ARID1A: variants seen among roughly 807,000 people sequenced by gnomAD.
ARID1A encodes the protein AT-rich interaction domain 1A.
Under a neutral mutation model 212.6 loss-of-function variants are expected in ARID1A, and 20 were observed. The observed-to-expected ratio is 0.09, with a 90% CI of 0.07 to 0.14. ARID1A has a LOEUF of 0.14. ARID1A is among the 10% of genes least tolerant of loss of function. ARID1A has a pLI of 1.00. For missense variants in ARID1A, 2,587 were observed against 3,059.0 expected, an observed-to-expected ratio of 0.85 and a Z score of 3.64; for synonymous variants, 1,376 against 1,222.1, an observed-to-expected ratio of 1.13 and a Z score of -2.63.
chr1:26,716,258 A>G (rs924988551), intron 1 of ARID1A, among the ~76,000 whole-genome samples: 6 of 152,006 alleles, frequency 3.9e-5, no homozygotes, highest in East Asian at 1.9e-4. Context: ...GCCACATGCT[A>G]GTTGCTTACA....
chr1:26,718,385 T>G (rs900662390), intron 1 of ARID1A, among the ~76,000 whole-genome samples: 3 of 152,216 alleles, frequency 2.0e-5, no homozygotes, highest in African/African-American at 4.8e-5. Flanking sequence ...GGCAGAGCTC[T>G]TAAGCCACTG....
chr1:26,717,600 C>G (rs1303825628), intron 1 of ARID1A, among the ~76,000 whole-genome samples: 2 of 152,196 alleles, frequency 1.3e-5, no homozygotes, highest in Non-Finnish European at 2.9e-5. Context: ...CTGCCAGAAA[C>G]TTAGCACTTG....
chr1:26,700,324 CTTAA>C (rs888361859), intron 1 of ARID1A, among the ~76,000 whole-genome samples: 6 of 152,200 alleles, frequency 3.9e-5, no homozygotes, highest in African/African-American at 9.7e-5. Flanking sequence ...TTTGCAGAGA[CTTAA>C]TTAACACAGC....
intron 11 of ARID1A, chr1:26,770,076 T>A (rs1250979090): frequency 6.6e-6 from 1 of 152,202 alleles, no homozygotes; most frequent in Non-Finnish European, 1.5e-5. Context: ...CAGTGGGGTG[T>A]GGTGACAGGC....
intron 1 of ARID1A, among the ~76,000 whole-genome samples, chr1:26,708,519 T>G (rs2080417754): frequency 6.6e-6 from 1 of 151,112 alleles, no homozygotes; most frequent in South Asian, 2.1e-4. Flanking sequence ...CTCCTGACCT[T>G]GTGATCCACC....
chr1:26,770,197 A>T (rs1254597192), intron 11 of ARID1A: 1 of 152,188 alleles, frequency 6.6e-6, no homozygotes, highest in Non-Finnish European at 1.5e-5. Context: ...TGGGTGACAG[A>T]GTGAGACTCT....
At chr1:26,767,314 A>G (rs914928950) in intron 10 of ARID1A, among the ~76,000 whole-genome samples, 5 of 152,184 alleles carry the variant, frequency 3.3e-5, no homozygotes, top group African/African-American at 1.2e-4. Context: ...TTTTCATTTT[A>G]GTCCATCCCA....
intron 4 of ARID1A, among the ~76,000 whole-genome samples, chr1:26,749,453 G>C (rs1455398398): frequency 6.6e-6 from 1 of 152,196 alleles, no homozygotes; most frequent in African/African-American, 2.4e-5. Context: ...CGGCTGAGCA[G>C]ATCTGTAGGA....
chr1:26,698,255 C>G (rs970987975), intron 1 of ARID1A, among the ~76,000 whole-genome samples: 3 of 152,222 alleles, frequency 2.0e-5, no homozygotes, highest in African/African-American at 7.2e-5. Flanking sequence ...GACAGTTGGT[C>G]TTAGGTTGAC....
At position 26,780,781 on chromosome 1, in the gene ARID1A, C is replaced by T. The variant is rs201547182; in HGVS notation, c.*25C>T. On this transcript the variant is annotated 3_prime_UTR_variant, in exon 20 of 20. Transcript: ENST00000324856. This position sits in a 1 kb window ranked among gnomAD's most constrained non-coding sequence, Gnocchi z 7.2. ...ACAGCCGTGGGACACCTCCCCCCCC[C>T]GTGTGTGTGTGCGTGTGTGGAGAAC... is the stretch of plus-strand genomic sequence containing the variant. 1.7e-4 allele frequency: 256 copies of T among 1,539,958 alleles called. No homozygotes were observed. Among genetic ancestry groups the T allele is most frequent in the Middle Eastern group, 1.4e-3 (8 of 5,788 alleles).
chr1:26,742,574 T>G (rs1325496486), intron 4 of ARID1A, among the ~76,000 whole-genome samples: 3 of 152,112 alleles, frequency 2.0e-5, no homozygotes, highest in Admixed American at 6.5e-5. Context: ...CATCCTAGAT[T>G]TATTGGATCT....
At chr1:26,731,763 A>G (rs1001989028) in intron 3 of ARID1A, among the ~76,000 whole-genome samples, 159 bp downstream of exon 3, 1 of 152,208 alleles carries the variant, frequency 6.6e-6, no homozygotes, top group Non-Finnish European at 1.5e-5. Context: ...TTGAACTAAT[A>G]AAGGCATAAC....
intron 1 of ARID1A, among the ~76,000 whole-genome samples, chr1:26,724,971 A>G (rs1307504357): frequency 1.3e-5 from 2 of 152,084 alleles, no homozygotes; most frequent in Non-Finnish European, 2.9e-5. Flanking sequence ...GAGTTTTCTT[A>G]TGGCTCTTTC....
chr1:26,780,910 C>T lies in ARID1A; in HGVS notation c.*154C>T, dbSNP rs2081186739. 1.8e-6 allele frequency: 2 copies of T among 1,106,350 alleles called. No homozygotes were observed. Among genetic ancestry groups the T allele is most frequent in the Non-Finnish European group, 2.5e-6 (2 of 798,294 alleles). 68.5% of individuals were successfully genotyped at this position (1,106,350 alleles called of 1,614,324 possible). A position where few individuals can be genotyped will look rare whatever the true frequency, so the allele number is the denominator to read the frequency against. ...TTGGGAAAAAGTCTCTCCTGTTTCT[C>T]TCTCCTCCTTCCACCTCCCCTCCCT... is the stretch of plus-strand genomic sequence containing the variant. On this transcript the variant is annotated 3_prime_UTR_variant, in exon 20 of 20. Transcript: ENST00000324856. This position sits in a 1 kb window ranked among gnomAD's most constrained non-coding sequence, Gnocchi z 7.2.
chr1:26,737,895 A>G (rs2080749660), intron 4 of ARID1A, among the ~76,000 whole-genome samples: 1 of 151,974 alleles, frequency 6.6e-6, no homozygotes, highest in Admixed American at 6.6e-5. Flanking sequence ...ATTAATGCCC[A>G]GAGTTCACAG....
At chr1:26,764,667 G>A (rs2124074614) in intron 8 of ARID1A, 1 of 152,296 alleles carries the variant, frequency 6.6e-6, no homozygotes, top group East Asian at 1.9e-4. Flanking sequence ...TGCAAAGTTT[G>A]CATTGGGCCC....
chr1:26,730,198 C>G (rs1221698887), intron 2 of ARID1A, among the ~76,000 whole-genome samples: 1 of 152,186 alleles, frequency 6.6e-6, no homozygotes, highest in Non-Finnish European at 1.5e-5. Context: ...TTAGGAAAAC[C>G]ATTCATATCA....
At chr1:26,732,551 T>C in intron 3 of ARID1A, 125 bp from the exon 4 acceptor site, 2 of 714,064 alleles carry the variant, frequency 2.8e-6, no homozygotes, top group Non-Finnish European at 2.4e-6. Flanking sequence ...CTTCACATAA[T>C]ACTTTTCGCA....
chr1:26,779,645 C>G lies in ARID1A; in HGVS notation c.5747C>G (p.Ser1916Cys), dbSNP rs1442819237. ...ACAGCCACTATGGATGACATGTTGT[C>G]TACTCGGTCTAGCACCTTGACCGAG... ...RITATMDDMLSTRSSTLTEDG... is the reference protein window; with the variant it reads ...RITATMDDMLCTRSSTLTEDG... The change falls in exon 20 of 20, where the codon TCT (serine) becomes TGT (cysteine). Residue 1916 changes from serine (S) to cysteine (C), a missense_variant. Coordinates refer to ENST00000324856, the MANE Select transcript of ARID1A (RefSeq NM_006015.6). 7 of 1,614,022 alleles carry G rather than the reference C, an allele frequency of 4.3e-6. No individual in the cohort carries two copies. In the African/African-American group the frequency reaches 5.3e-5, roughly 12 times the overall value.
Sources: allele counts gnomAD v4.1 joint callset (sites outside exome capture counted in the v4.1 genomes callset), GRCh38; gene constraint gnomAD v4.1.1; non-coding constraint Gnocchi (gnomAD v3.1); transcripts MANE v1.5; gene names NCBI Gene and HGNC (gene_info 2026-07-23, HGNC 2026-07-21).